Variants in NAA25 observed in about 807,000 individuals in gnomAD.
NAA25 encodes N-terminal acetyltransferase B complex subunit NAA25.
NAA25 carries 30 observed loss-of-function variants against 132.5 expected under a neutral mutation model. The observed-to-expected ratio is 0.23, with a 90% CI of 0.17 to 0.31. NAA25 has a LOEUF of 0.31. Ranked by LOEUF, NAA25 falls within the 10% of genes least tolerant of loss-of-function variation. The pLI is 1.00. For synonymous variants in NAA25, 359 were observed against 401.9 expected (o/e 0.89, Z 1.28); for missense variants, 771 against 1,150.4 (o/e 0.67, Z 4.77).
At chr12:112,029,978 C>T (rs950343858) in intron 23 of NAA25, among the ~76,000 whole-genome samples, 14 of 151,962 alleles carry the variant, frequency 9.2e-5, no homozygotes, top group African/African-American at 3.4e-4. Flanking sequence ...TTTGGGATGC[C>T]CAGGCAGGTG....
intron 3 of NAA25, among the ~76,000 whole-genome samples, chr12:112,088,338 T>G (rs1043616475): frequency 2.1e-5 from 3 of 145,458 alleles, no homozygotes; most frequent in Non-Finnish European, 4.5e-5. Flanking sequence ...TTTTTTTTTT[T>G]TTTTTGGAGA....
In NAA25 at chr12:112,027,370, AGAACAGATT is replaced by A. The variant is rs904419660; in HGVS notation, c.*2152_*2160del. 1 of 152,528 alleles carries A rather than the reference AGAACAGATT, an allele frequency of 6.6e-6. No homozygotes were observed. The highest frequency in any genetic ancestry group is 2.4e-5 in the African/African-American group (1 of 41,436). 9.4% of individuals were successfully genotyped at this position (152,528 alleles called of 1,614,324 possible). On this transcript the variant is annotated 3_prime_UTR_variant, in exon 24 of 24. Coordinates refer to ENST00000261745, the MANE Select transcript of NAA25 (RefSeq NM_024953.4). ...TTTATAGTACATGAGGGTTTCCAAA[AGAACAGATT>A]GATAAGAGATATTGGCCATTTCTGC...
intron 7 of NAA25, 51 bp from the exon 8 acceptor site, chr12:112,075,840 TA>T (rs770667849): frequency 5.6e-6 from 8 of 1,431,424 alleles, no homozygotes; most frequent in Non-Finnish European, 7.9e-6. Context: ...TTCTGCTCAA[TA>T]ACCAGAATAG....
In NAA25 at chr12:112,102,462, G is replaced by GAAT. The variant is rs2079307760; in HGVS notation, c.58+6251_58+6253dup. Among the ~76,000 whole-genome samples the GAAT allele has an allele frequency of 2.0e-5, 3 of 152,076 alleles. No individual in the cohort carries two copies. The South Asian group carries it at 6.2e-4, about 31-fold the overall frequency. Reference sequence around the variant, plus strand: ...CCCTCTAATCTATGTATTCATCTAAGAATATTTTTGTGCACTAAAACCTTC... The same window carrying GAAT: ...CCCTCTAATCTATGTATTCATCTAAGAATAATATTTTTGTGCACTAAAACCTTC... On this transcript the variant is annotated intron_variant, in intron 1 of 23. Transcript: ENST00000261745.
chr12:112,091,812 T>G (rs1349217063), intron 2 of NAA25, among the ~76,000 whole-genome samples: 1 of 151,822 alleles, frequency 6.6e-6, no homozygotes, highest in Non-Finnish European at 1.5e-5. Flanking sequence ...TAGTGAGTCA[T>G]GATTGTGCTA....
chr12:112,104,763 A>C (rs913879714), intron 1 of NAA25, among the ~76,000 whole-genome samples: 2 of 151,838 alleles, frequency 1.3e-5, no homozygotes, highest in African/African-American at 4.8e-5. Context: ...GTGAACCCGG[A>C]AGGTGGAGCT....
chr12:112,069,852 G>A (rs2078779150), intron 10 of NAA25, among the ~76,000 whole-genome samples: 1 of 151,776 alleles, frequency 6.6e-6, no homozygotes, highest in South Asian at 2.1e-4. Context: ...GCTAGGCCGG[G>A]TGCAGTGGCT....
chr12:112,058,817 G>A (rs1236669399), intron 13 of NAA25, among the ~76,000 whole-genome samples: 4 of 152,124 alleles, frequency 2.6e-5, no homozygotes, highest in Non-Finnish European at 4.4e-5. Flanking sequence ...CTAGCACTTT[G>A]GGAGGCCGAG....
chr12:112,053,822 A>T (rs1049367480), intron 14 of NAA25, among the ~76,000 whole-genome samples, 165 bp from the exon 15 acceptor site: 26 of 51,060 alleles, frequency 5.1e-4, no homozygotes, highest in South Asian at 1.2e-3. Flanking sequence ...GTTAAAATTT[A>T]AAAAAAAAAA....
intron 12 of NAA25, 28 bp from the exon 13 acceptor site, chr12:112,060,387 T>G: frequency 1.3e-6 from 2 of 1,489,704 alleles, no homozygotes; most frequent in East Asian, 4.5e-5. Flanking sequence ...CATATCTATT[T>G]TAACATTTGT....
intron 13 of NAA25, among the ~76,000 whole-genome samples, chr12:112,058,345 T>C (rs1190857698): frequency 1.3e-5 from 2 of 152,154 alleles, no homozygotes; most frequent in African/African-American, 4.8e-5. Context: ...TAAGTGATAG[T>C]AGCAAAAAAA....
chr12:112,070,630 T>C (rs536131279), intron 10 of NAA25, among the ~76,000 whole-genome samples: 2 of 152,234 alleles, frequency 1.3e-5, no homozygotes, highest in South Asian at 4.1e-4. Context: ...GAAGCTGGAG[T>C]GCGGTGGCGC....
chr12:112,064,736 A>G (rs2078688802), intron 11 of NAA25, among the ~76,000 whole-genome samples: 1 of 152,182 alleles, frequency 6.6e-6, no homozygotes, highest in African/African-American at 2.4e-5. Context: ...AATTTCTTTA[A>G]AAACTAGAAT....
At chr12:112,106,987 G>A (rs1341766452) in intron 1 of NAA25, among the ~76,000 whole-genome samples, 1 of 144,306 alleles carries the variant, frequency 6.9e-6, no homozygotes, top group African/African-American at 2.6e-5. Flanking sequence ...AAAAAGGTGA[G>A]CCTGGAGCCA....
intron 22 of NAA25, among the ~76,000 whole-genome samples, chr12:112,036,334 T>C (rs751099350): frequency 1.3e-5 from 2 of 152,254 alleles, no homozygotes; most frequent in Non-Finnish European, 2.9e-5. Context: ...ATTTGAACTT[T>C]AATGAGTTTG....
chr12:112,065,646 G>A (rs551921484), intron 11 of NAA25: 1 of 152,100 alleles, frequency 6.6e-6, no homozygotes, highest in Non-Finnish European at 1.5e-5. Flanking sequence ...CAGGGCGACA[G>A]AGCAAGACTC....
rs2078430466 is a variant in NAA25 at position 112,049,361 on chromosome 12, A to G, written c.1729-918T>C. The stretch of plus-strand genomic sequence containing the variant: ...CTCAAAGCTGATGTCTGCCCCCAAA[A>G]AAGATCCTTTCTAGAAAAAACAGTC... On this transcript the variant is annotated intron_variant, in intron 15 of 23. Transcript: ENST00000261745. This position sits in a 1 kb window ranked among gnomAD's most constrained non-coding sequence, Gnocchi z 4.7. 1 of 785,386 alleles carries G rather than the reference A, an allele frequency of 1.3e-6. No homozygotes were observed. The highest frequency in any genetic ancestry group is 1.9e-5 in the African/African-American group (1 of 53,250). The allele number at this position is 785,386 out of a possible 1,614,324, so 48.7% of individuals were successfully genotyped here. A position where few individuals can be genotyped will look rare whatever the true frequency, so the allele number is the denominator to read the frequency against.
chr12:112,045,508 A>T (rs1263188231), intron 17 of NAA25, among the ~76,000 whole-genome samples: 1 of 148,902 alleles, frequency 6.7e-6, no homozygotes, highest in Non-Finnish European at 1.5e-5. Context: ...AAAAAAAAAA[A>T]TAGGGGCTGG....
At position 112,049,886 on chromosome 12, in the gene NAA25, A is replaced by G. The variant is rs1353547728; in HGVS notation, c.1729-1443T>C. On this transcript the variant is annotated intron_variant, in intron 15 of 23. Coordinates refer to ENST00000261745, the MANE Select transcript of NAA25 (RefSeq NM_024953.4). This position sits in a 1 kb window ranked among gnomAD's most constrained non-coding sequence, Gnocchi z 4.7. ...AAAAAAAACAGCTGGTTAGGAACAC[A>G]TGATTCAGTAATTAATCAAAAAGAA... is the stretch of plus-strand genomic sequence containing the variant. Among the ~76,000 whole-genome samples the G allele has an allele frequency of 6.6e-6, 1 of 152,214 alleles. No individual in the cohort carries two copies. Among genetic ancestry groups the G allele is most frequent in the Non-Finnish European group, 1.5e-5 (1 of 68,046 alleles).
Sources: gnomAD v4.1 joint callset for allele counts (sites outside exome capture counted in the v4.1 genomes callset) on GRCh38, gnomAD v4.1.1 for gene constraint, Gnocchi (gnomAD v3.1) non-coding constraint, MANE v1.5 for transcripts, NCBI Gene and HGNC (gene_info 2026-07-23, HGNC 2026-07-21) for gene names.